FMN2: variants seen among roughly 807,000 people sequenced by gnomAD.
FMN2 encodes the protein formin 2.
In FMN2, 51 loss-of-function variants were observed where a neutral mutation model predicts 142.3. That is an observed-to-expected ratio of 0.36 (90% CI 0.29 to 0.45). FMN2 has a LOEUF of 0.45. Ranked by LOEUF, FMN2 falls within the 20% of genes least tolerant of loss-of-function variation. The pLI, the probability that FMN2 is intolerant of heterozygous loss-of-function variation, is 1.00. For missense variants in FMN2, 1,936 were observed against 2,122.8 expected, an observed-to-expected ratio of 0.91 and a Z score of 1.73; for synonymous variants, 882 against 869.8, an observed-to-expected ratio of 1.01 and a Z score of -0.25.
intron 7 of FMN2, among the ~76,000 whole-genome samples, chr1:240,273,931 A>T (rs138133712): frequency 6.6e-6 from 1 of 152,108 alleles, no homozygotes; most frequent in Non-Finnish European, 1.5e-5. Context: ...AGGGTGTATG[A>T]GAGTGACTGA....
intron 1 of FMN2, among the ~76,000 whole-genome samples, chr1:240,119,055 C>T (rs1289978765): frequency 1.3e-5 from 2 of 151,412 alleles, no homozygotes; most frequent in East Asian, 1.9e-4. Context: ...CCTGGCCGGG[C>T]GTGGTGGCTC....
At chr1:240,106,116 T>G (rs951950558) in intron 1 of FMN2, among the ~76,000 whole-genome samples, 3 of 152,196 alleles carry the variant, frequency 2.0e-5, no homozygotes, top group Non-Finnish European at 4.4e-5. Flanking sequence ...TAAACAACTC[T>G]ATAGTATTTT....
intron 14 of FMN2, among the ~76,000 whole-genome samples, chr1:240,363,281 C>A (rs1045010532): frequency 5.3e-5 from 8 of 152,140 alleles, no homozygotes; most frequent in African/African-American, 1.7e-4. Context: ...GTGTAATCTC[C>A]CTTCATTGAC....
At chr1:240,178,185 T>C in intron 3 of FMN2, 117 bp downstream of exon 3, 2 of 1,225,052 alleles carry the variant, frequency 1.6e-6, no homozygotes, top group African/African-American at 1.6e-5. Context: ...CATTCAGATA[T>C]AATCTTCAAA....
At chr1:240,101,550 T>C (rs1661414157) in intron 1 of FMN2, among the ~76,000 whole-genome samples, 1 of 151,800 alleles carries the variant, frequency 6.6e-6, no homozygotes, top group South Asian at 2.1e-4. Context: ...TGTGTGTGTG[T>C]TTGAGACAGG....
Position 240,329,324 on chromosome 1 carries a change from G to C in FMN2, c.4308-15G>C. The C allele has an allele frequency of 6.2e-7, 1 of 1,607,180 alleles. No homozygotes were observed. Among genetic ancestry groups the C allele is most frequent in the Non-Finnish European group, 8.5e-7 (1 of 1,178,058 alleles). On this transcript the variant is annotated splice_polypyrimidine_tract_variant and intron_variant, in intron 9 of 17. Transcript: ENST00000319653. ...GAATTATATTTTTCTTCTTAACTTG[G>C]CTTTATTTCCTTAGGTTCCTTTATG... is the stretch of plus-strand genomic sequence containing the variant.
chr1:240,184,308 C>G (rs1477066526), intron 3 of FMN2, among the ~76,000 whole-genome samples: 1 of 128,290 alleles, frequency 7.8e-6, no homozygotes, highest in Non-Finnish European at 1.6e-5. Context: ...GCGATCTCGG[C>G]TCACTGCAAG....
chr1:240,403,042 A>G (rs1285337246), intron 15 of FMN2, among the ~76,000 whole-genome samples: 5 of 152,232 alleles, frequency 3.3e-5, no homozygotes, highest in African/African-American at 9.6e-5. Flanking sequence ...TTCTGGCATC[A>G]ATAAAGCTAG....
At chr1:240,408,675 A>G (rs1351628983) in intron 15 of FMN2, among the ~76,000 whole-genome samples, 5 of 152,214 alleles carry the variant, frequency 3.3e-5, no homozygotes, top group Non-Finnish European at 7.3e-5. Context: ...TAAAGTATGG[A>G]TGCATTAAAA....
chr1:240,367,543 T>C (rs6681997), intron 14 of FMN2, among the ~76,000 whole-genome samples: 7,496 of 151,870 alleles, frequency 0.049, 604 homozygotes, highest in African/African-American at 0.17. Context: ...CCAAGGTGGG[T>C]GGATCACGAG....
chr1:240,171,362 G>C (rs747387710), intron 2 of FMN2: 2 of 592,834 alleles, frequency 3.4e-6, no homozygotes, highest in African/African-American at 3.7e-5. Flanking sequence ...GCAGAGAGAA[G>C]CGCCTCCTAG....
rs1245822995 is a variant in FMN2 at position 240,388,877 on chromosome 1, A to AGG, written c.4859-3626_4859-3625dup. Reference sequence around the variant, plus strand: ...AACTCCATCTCAAAAAAAAAAAAAAAGGGGGGGGGTCAAGCATTGCTGGGC... The same window carrying AGG: ...AACTCCATCTCAAAAAAAAAAAAAAAGGGGGGGGGGGTCAAGCATTGCTGGGC... On this transcript the variant is annotated intron_variant, in intron 14 of 17. Transcript: ENST00000319653. 9.0e-3 allele frequency among the ~76,000 whole-genome samples: 1,222 copies of AGG among 135,734 alleles called. 24 individuals carry two copies. Among genetic ancestry groups the AGG allele is most frequent in the African/African-American group, 0.031 (1,108 of 36,018 alleles). 89.0% of individuals were successfully genotyped at this position (135,734 alleles called of 152,430 possible).
chr1:240,161,944 G>A (rs1278602097), intron 2 of FMN2, among the ~76,000 whole-genome samples: 1 of 152,036 alleles, frequency 6.6e-6, no homozygotes, highest in African/African-American at 2.4e-5. Flanking sequence ...CCTGGCTATA[G>A]AGGAAAAGAC....
chr1:240,380,715 T>TAAA lies in FMN2; in HGVS notation c.4859-11784_4859-11782dup, dbSNP rs11384026. On this transcript the variant is annotated intron_variant, in intron 14 of 17. Transcript: ENST00000319653. ...TGAACAAACCAAACTCAAAACTAGT[T>TAAA]AAAAAAAAAAAAAAGAAATGGCAAA... is the stretch of plus-strand genomic sequence containing the variant. 6.0e-3 allele frequency among the ~76,000 whole-genome samples: 765 copies of TAAA among 127,758 alleles called. 7 individuals are homozygous for TAAA. Among genetic ancestry groups the TAAA allele is most frequent in the African/African-American group, 0.021 (727 of 33,864 alleles). 83.8% of individuals were successfully genotyped at this position (127,758 alleles called of 152,430 possible).
At chr1:240,200,677 C>T (rs1031704172) in intron 4 of FMN2, among the ~76,000 whole-genome samples, 5 of 151,930 alleles carry the variant, frequency 3.3e-5, no homozygotes, top group South Asian at 4.2e-4. Context: ...CAGGGCCGGT[C>T]GGGATTTTAG....
chr1:240,342,149 A>G (rs920816311), intron 13 of FMN2, among the ~76,000 whole-genome samples: 4 of 152,174 alleles, frequency 2.6e-5, no homozygotes, highest in Admixed American at 1.3e-4. Flanking sequence ...TTTCTGGTCC[A>G]AGGAGATATT....
At chr1:240,145,738 G>C (rs1344656282) in intron 2 of FMN2, among the ~76,000 whole-genome samples, 1 of 151,504 alleles carries the variant, frequency 6.6e-6, no homozygotes, top group East Asian at 1.9e-4. Context: ...TTGAACTCTT[G>C]GCCTCAAGTG....
intron 16 of FMN2, among the ~76,000 whole-genome samples, chr1:240,442,960 A>AT (rs1675678212): frequency 6.6e-6 from 1 of 152,226 alleles, no homozygotes; most frequent in African/African-American, 2.4e-5. Context: ...CAGTGTTATC[A>AT]TGTAGACTAA....
At chr1:240,409,485 G>A (rs753780215) in intron 15 of FMN2, among the ~76,000 whole-genome samples, 5 of 152,060 alleles carry the variant, frequency 3.3e-5, no homozygotes, top group Admixed American at 1.3e-4. Flanking sequence ...TAGGGTGTAC[G>A]TTTGCATAAG....
Sources: allele counts gnomAD v4.1 joint callset (sites outside exome capture counted in the v4.1 genomes callset), GRCh38; gene constraint gnomAD v4.1.1; transcripts MANE v1.5; gene names NCBI Gene and HGNC (gene_info 2026-07-23, HGNC 2026-07-21).